Variants in ZNF385D observed in about 807,000 individuals in gnomAD.
The protein encoded by ZNF385D is zinc finger protein 659.
Under a neutral mutation model 35.8 loss-of-function variants are expected in ZNF385D, and 15 were observed. The ratio of observed to expected loss-of-function variants is 0.42; its 90% CI spans 0.28 to 0.64. The LOEUF (loss-of-function observed/expected upper bound fraction) is 0.64. ZNF385D is among the 30% of genes least tolerant of loss of function. ZNF385D has a pLI of 0.23. For synonymous variants in ZNF385D, 212 were observed against 186.8 expected (o/e 1.13, Z -1.10); for missense variants, 474 against 494.6 (o/e 0.96, Z 0.39).
chr3:21,603,693 A>T (rs1056818053), intron 2 of ZNF385D, among the ~76,000 whole-genome samples: 2 of 152,186 alleles, frequency 1.3e-5, no homozygotes, highest in African/African-American at 2.4e-5. Context: ...AAGTATAACA[A>T]AAAAAGTACA....
chr3:21,939,065 C>G (rs933922957), intron 3 of ZNF385D, among the ~76,000 whole-genome samples: 2 of 152,054 alleles, frequency 1.3e-5, no homozygotes, highest in African/African-American at 4.8e-5. Context: ...AACTAATTTT[C>G]CATGCTGGCA....
intron 1 of ZNF385D, among the ~76,000 whole-genome samples, chr3:21,684,365 CCTCTCTCTCTCTCTCTCTCTCT>C (rs373105142): frequency 1.2e-4 from 9 of 73,334 alleles, no homozygotes; most frequent in Non-Finnish European, 1.8e-4. Flanking sequence ...TAACTGTTCT[CCTCTCTCTCTCTCTCTCTCTCT>C]CTCTCTCTCT....
intron 3 of ZNF385D, among the ~76,000 whole-genome samples, chr3:22,060,695 G>A (rs1234159718): frequency 6.6e-6 from 1 of 152,010 alleles, no homozygotes; most frequent in East Asian, 1.9e-4. Flanking sequence ...TGAAGTTTTA[G>A]ATGATTAAAA....
At chr3:21,720,399 T>C (rs2068491724) in intron 1 of ZNF385D, among the ~76,000 whole-genome samples, 1 of 152,070 alleles carries the variant, frequency 6.6e-6, no homozygotes, top group African/African-American at 2.4e-5. Flanking sequence ...TACAAAAATT[T>C]AAATGTTATC....
chr3:21,856,895 T>C (rs1696743743), intron 3 of ZNF385D, among the ~76,000 whole-genome samples: 1 of 152,128 alleles, frequency 6.6e-6, no homozygotes, highest in Non-Finnish European at 1.5e-5. Flanking sequence ...TAGAAATCTT[T>C]TTAAAAACGT....
rs2125240642 is a variant in ZNF385D, at chr3:21,421,258, G to C, written c.1144C>G (p.Pro382Ala). 6.2e-7 allele frequency: 1 copy of C among 1,614,088 alleles called. No homozygotes were observed. The highest frequency in any genetic ancestry group is 2.2e-5 in the East Asian group (1 of 44,872). ...ACAGGAGTGTGGGCGGTCCGAATGG[G>C]TCCAGGAGCTGGCCGCAGGAGTGCC... Reference protein sequence around the residue: ...PPALLRPAPGPIRTAHTPVLF... With the variant: ...PPALLRPAPGAIRTAHTPVLF... The change falls in exon 8 of 8, where the codon CCC becomes GCC. Residue 382 changes from proline (P) to alanine (A), a missense_variant. Pro to Ala is a conservative substitution (Grantham distance 27). Transcript: ENST00000281523.
intron 3 of ZNF385D, among the ~76,000 whole-genome samples, chr3:21,831,248 G>A (rs1337573981): frequency 6.6e-6 from 1 of 152,030 alleles, no homozygotes; most frequent in East Asian, 1.9e-4. Context: ...AACTGTTCCA[G>A]TACTCTGCTT....
rs758740974 is a variant in ZNF385D at position 22,020,108 on chromosome 3, C to G, written c.325+148709G>C. 7.2e-4 allele frequency among the ~76,000 whole-genome samples: 109 copies of G among 151,772 alleles called. 1 individual carries two copies. Among genetic ancestry groups the G allele is most frequent in the Non-Finnish European group, 1.4e-3 (94 of 67,844 alleles). On this transcript the variant is annotated intron_variant, in intron 3 of 5. Coordinates refer to the ZNF385D transcript ENST00000494108. ...AATATTTTGGTTAAAAAGAATCCTT[C>G]ATTAGTATATGGACGCTCAGAAAAT...
chr3:22,328,547 A>T (rs1415943489), intron 2 of ZNF385D, among the ~76,000 whole-genome samples: 3 of 149,604 alleles, frequency 2.0e-5, no homozygotes, highest in Non-Finnish European at 4.5e-5. Context: ...GGCAGATCAT[A>T]AGATCAAGAT....
intron 2 of ZNF385D, among the ~76,000 whole-genome samples, chr3:22,328,851 G>C (rs532900219): frequency 3.3e-5 from 5 of 150,372 alleles, no homozygotes; most frequent in Admixed American, 2.6e-4. Context: ...CGAGGCGGGC[G>C]GATCACGAGG....
intron 2 of ZNF385D, among the ~76,000 whole-genome samples, chr3:21,623,626 T>C (rs568507646): frequency 1.3e-5 from 2 of 152,124 alleles, no homozygotes; most frequent in South Asian, 4.1e-4. Flanking sequence ...CACCACTGCA[T>C]TCCAGTCTGG....
chr3:21,509,095 C>G (rs770044893), intron 4 of ZNF385D, among the ~76,000 whole-genome samples: 2 of 151,770 alleles, frequency 1.3e-5, no homozygotes, highest in Non-Finnish European at 2.9e-5. Flanking sequence ...GTTAGCAGCT[C>G]TACCTACCAC....
At chr3:21,441,947 C>A (rs551562081) in intron 4 of ZNF385D, among the ~76,000 whole-genome samples, 1 of 152,162 alleles carries the variant, frequency 6.6e-6, no homozygotes, top group Admixed American at 6.5e-5. Flanking sequence ...CTGCCAGCGC[C>A]CTGTAGCAAA....
At chr3:21,712,292 C>A (rs530807210) in intron 1 of ZNF385D, among the ~76,000 whole-genome samples, 1 of 152,260 alleles carries the variant, frequency 6.6e-6, no homozygotes, top group East Asian at 1.9e-4. Context: ...AATCTGAGAC[C>A]CATGTTACAG....
At chr3:22,372,611 T>G in exon 2 of ZNF385D, 2 of 783,858 alleles carry the variant, frequency 2.6e-6, no homozygotes, top group Non-Finnish European at 3.1e-6. Flanking sequence ...GCTGCCCGCC[T>G]GCAGCTTCAA....
intron 2 of ZNF385D, among the ~76,000 whole-genome samples, chr3:22,341,595 AG>A (rs960660802): frequency 6.6e-6 from 1 of 152,200 alleles, no homozygotes; most frequent in Non-Finnish European, 1.5e-5. Flanking sequence ...TGAATGGCAA[AG>A]GGGTATTCCT....
chr3:22,003,769 AG>A (rs1311892236), intron 3 of ZNF385D, among the ~76,000 whole-genome samples: 3 of 151,904 alleles, frequency 2.0e-5, no homozygotes, highest in Non-Finnish European at 2.9e-5. Context: ...CAGGTGGCTG[AG>A]GCGGGAGAAT....
At chr3:21,783,132 T>C (rs1345699705) in intron 3 of ZNF385D, among the ~76,000 whole-genome samples, 1 of 152,178 alleles carries the variant, frequency 6.6e-6, no homozygotes, top group Non-Finnish European at 1.5e-5. Context: ...ATACAATATT[T>C]CTTTGATAAA....
intron 3 of ZNF385D, among the ~76,000 whole-genome samples, chr3:21,886,076 G>A (rs1468593221): frequency 9.9e-5 from 15 of 152,102 alleles, no homozygotes. Context: ...TGATGGCCCA[G>A]TCAAGTTGGC....
Sources: allele counts gnomAD v4.1 joint callset (sites outside exome capture counted in the v4.1 genomes callset), GRCh38; gene constraint gnomAD v4.1.1; transcripts MANE v1.5; gene names NCBI Gene and HGNC (gene_info 2026-07-23, HGNC 2026-07-21).